The following SPINK13 variants were observed in gnomAD, a reference collection of about 807,000 sequenced individuals.
SPINK13 encodes the protein serine protease inhibitor Kazal-type 13.
SPINK13 carries 11 observed loss-of-function variants against 11.0 expected under a neutral mutation model. The ratio of observed to expected loss-of-function variants is 1.00; its 90% CI spans 0.63 to 1.65. The LOEUF (loss-of-function observed/expected upper bound fraction) is 1.65, where lower values mean the gene tolerates loss of function less well. Among genes scored for constraint, SPINK13 ranks in the 40% most tolerant of loss-of-function variants. The pLI, the probability that SPINK13 is intolerant of heterozygous loss-of-function variation, is 0.00. For missense variants in SPINK13, 113 were observed against 117.7 expected (o/e 0.96, Z 0.19); for synonymous variants, 31 against 35.6 (o/e 0.87, Z 0.46).
chr5:148,282,908 G>T (rs890420639), intron 4 of SPINK13, among the ~76,000 whole-genome samples: 1 of 152,124 alleles, frequency 6.6e-6, no homozygotes, highest in African/African-American at 2.4e-5. Context: ...GATCTTCTCT[G>T]TTGAGGTTCC....
In SPINK13 at chr5:148,286,123, AATG is replaced by A; in HGVS notation, c.*76_*78del. 1 of 994,646 alleles carries A rather than the reference AATG, an allele frequency of 1.0e-6. No homozygotes were observed. The highest frequency in any genetic ancestry group is 1.4e-6 in the Non-Finnish European group (1 of 701,058). The allele number at this position is 994,646 out of a possible 1,614,324, so 61.6% of individuals were successfully genotyped here. On this transcript the variant is annotated 3_prime_UTR_variant, in exon 5 of 5. Transcript: ENST00000398450. ...AATAGTATTTCTTTTAGAGTGTGAG[AATG>A]TAAATTAAATAACATCCCTATGCTG...
At chr5:148,281,342 A>G (rs1357371627) in intron 3 of SPINK13, among the ~76,000 whole-genome samples, 1 of 151,432 alleles carries the variant, frequency 6.6e-6, no homozygotes, top group Non-Finnish European at 1.5e-5. Flanking sequence ...GAAAAAAAAA[A>G]CTCCTGCAAT....
intron 4 of SPINK13, among the ~76,000 whole-genome samples, 176 bp from the exon 5 acceptor site, chr5:148,285,824 G>T (rs1346758773): frequency 6.7e-6 from 1 of 149,602 alleles, no homozygotes; most frequent in Admixed American, 6.6e-5. Flanking sequence ...CATGGAGAAA[G>T]AATGTACAAA....
At chr5:148,284,420 T>TATTTCTCA (rs1756562110) in intron 4 of SPINK13, among the ~76,000 whole-genome samples, 2 of 152,116 alleles carry the variant, frequency 1.3e-5, no homozygotes, top group Non-Finnish European at 2.9e-5. Context: ...TAAGAATAAA[T>TATTTCTCA]GAAGAGCCCT....
intron 4 of SPINK13, among the ~76,000 whole-genome samples, chr5:148,282,729 A>C (rs1756537227): frequency 6.6e-6 from 1 of 152,236 alleles, no homozygotes; most frequent in Admixed American, 6.5e-5. Context: ...TACATGCATA[A>C]AAATTGACAG....
At chr5:148,277,419 T>G (rs1363959355) in intron 3 of SPINK13, among the ~76,000 whole-genome samples, 1 of 152,232 alleles carries the variant, frequency 6.6e-6, no homozygotes, top group Non-Finnish European at 1.5e-5. Context: ...GGGTTTGTCA[T>G]AAATAGCTCT....
rs1255813347 is a variant in SPINK13, at chr5:148,274,371, C to T, written c.95C>T (p.Thr32Ile). The T allele has an allele frequency of 6.2e-7, 1 of 1,611,912 alleles. No homozygotes were observed. Among genetic ancestry groups the T allele is most frequent in the Non-Finnish European group, 8.5e-7 (1 of 1,178,422 alleles). Residue 32 changes from threonine to isoleucine, a missense_variant, in exon 3 of 5, where the codon ACT becomes ATT. Thr to Ile is a moderately conservative substitution (Grantham distance 89). Coordinates refer to ENST00000398450, the MANE Select transcript of SPINK13 (RefSeq NM_001040129.3). ...FSGIFNKRDF[T>I]RWPKPRCKMY... is the part of the protein sequence containing the mutation. ...GGAATTTTCAATAAACGTGACTTCA[C>T]TAGGTGGCCTAAGGTAAATTTAAAT...
At chr5:148,275,652 T>A (rs1250961591) in intron 3 of SPINK13, among the ~76,000 whole-genome samples, 1 of 151,430 alleles carries the variant, frequency 6.6e-6, no homozygotes, top group African/African-American at 2.4e-5. Flanking sequence ...ATCTGTTGTT[T>A]CCTGACTTTT....
At chr5:148,285,473 T>G (rs1484946589) in intron 4 of SPINK13, among the ~76,000 whole-genome samples, 1 of 152,186 alleles carries the variant, frequency 6.6e-6, no homozygotes. Flanking sequence ...TCTTTAGAGA[T>G]GTAATACAAA....
intron 3 of SPINK13, among the ~76,000 whole-genome samples, chr5:148,276,113 T>C (rs1002547166): frequency 2.6e-5 from 4 of 152,246 alleles, no homozygotes; most frequent in African/African-American, 9.6e-5. Context: ...AAAATGTCTG[T>C]TCATATCCTT....
intron 2 of SPINK13, among the ~76,000 whole-genome samples, chr5:148,270,438 G>GA (rs1242196858): frequency 1.3e-5 from 2 of 151,814 alleles, no homozygotes; most frequent in Admixed American, 6.6e-5. Context: ...ATTTTTCCTA[G>GA]AAAAAATGAT....
intron 4 of SPINK13, 104 bp downstream of exon 4, chr5:148,282,335 TA>T (rs1010059259): frequency 7.2e-7 from 1 of 1,379,526 alleles, no homozygotes; most frequent in South Asian, 1.4e-5. Flanking sequence ...ATACTTTTTT[TA>T]AAAAAATAGC....
chr5:148,285,947 C>A, intron 4 of SPINK13, 53 bp from the exon 5 acceptor site: 1 of 1,074,722 alleles, frequency 9.3e-7, no homozygotes, highest in Non-Finnish European at 1.4e-6. Context: ...ACATTCAATA[C>A]CAATGTTCAC....
chr5:148,268,872 T>C lies in SPINK13; in HGVS notation c.-50T>C, dbSNP rs1197720171. On this transcript the variant is annotated 5_prime_UTR_variant, in exon 1 of 5. Transcript: ENST00000398450. ...CAAAGTGACAAGAGCAGGCCCATATTCAGCCACCTCATCCAGGTAACCACT... is the reference window on the plus strand; with the variant it reads ...CAAAGTGACAAGAGCAGGCCCATATCCAGCCACCTCATCCAGGTAACCACT... The C allele has an allele frequency of 2.4e-5, 3 of 127,200 alleles. No homozygotes were observed. The allele number at this position is 127,200 out of a possible 1,614,324, so 7.9% of individuals were successfully genotyped here.
chr5:148,270,182 T>TTC, intron 2 of SPINK13, 40 bp downstream of exon 2: 1 of 1,593,818 alleles, frequency 6.3e-7, no homozygotes. Flanking sequence ...AACTCTGATT[T>TTC]TCTTAAAGTT....
intron 1 of SPINK13, 54 bp from the exon 2 acceptor site, chr5:148,269,986 A>T: frequency 7.6e-7 from 1 of 1,318,960 alleles, no homozygotes; most frequent in Non-Finnish European, 1.1e-6. Flanking sequence ...GTTCTCTCAC[A>T]TTGGAAAAGC....
chr5:148,279,091 C>CTTTTT (rs746029113), intron 3 of SPINK13, among the ~76,000 whole-genome samples: 84 of 51,670 alleles, frequency 1.6e-3, no homozygotes, highest in Non-Finnish European at 1.9e-3. Flanking sequence ...GCAACCCCTG[C>CTTTTT]TTTTTTTTTT....
At chr5:148,275,363 T>A (rs1756410076) in intron 3 of SPINK13, among the ~76,000 whole-genome samples, 1 of 152,178 alleles carries the variant, frequency 6.6e-6, no homozygotes, top group African/African-American at 2.4e-5. Context: ...ATGTGCCACA[T>A]TTTTTTATCC....
chr5:148,268,950 CCTCT>C (rs1756306113), intron 1 of SPINK13, 62 bp downstream of exon 1: 2 of 152,636 alleles, frequency 1.3e-5, no homozygotes, highest in South Asian at 4.1e-4. Context: ...CTTCAGCCTT[CCTCT>C]CTGTCAGTGG....
Sources: gnomAD v4.1 joint callset for allele counts (sites outside exome capture counted in the v4.1 genomes callset) on GRCh38, gnomAD v4.1.1 for gene constraint, MANE v1.5 for transcripts, NCBI Gene and HGNC (gene_info 2026-07-23, HGNC 2026-07-21) for gene names.